Variants in PDZD2 observed in about 807,000 individuals in gnomAD.
PDZD2 encodes the protein PDZ domain-containing protein 2.
A neutral mutation model predicts 220.7 loss-of-function variants in PDZD2; 90 were observed. The ratio of observed to expected loss-of-function variants is 0.41; its 90% CI spans 0.34 to 0.49. The LOEUF (loss-of-function observed/expected upper bound fraction) is 0.49, where lower values mean the gene tolerates loss of function less well. Ranked by LOEUF, PDZD2 falls within the 20% of genes least tolerant of loss-of-function variation. The probability of loss-of-function intolerance (pLI) is 0.28; values close to 1 mark genes in which losing one functional copy is unlikely to be tolerated. For synonymous variants in PDZD2, 1,375 were observed against 1,450.5 expected, an observed-to-expected ratio of 0.95 and a Z score of 1.18; for missense variants, 3,174 against 3,608.5, an observed-to-expected ratio of 0.88 and a Z score of 3.08.
At chr5:32,023,783 G>T in intron 6 of PDZD2, among the ~76,000 whole-genome samples, 1 of 152,170 alleles carries the variant, frequency 6.6e-6, no homozygotes, top group East Asian at 1.9e-4. Flanking sequence ...TTCCTAGACC[G>T]TAGCCCCCCT....
intron 19 of PDZD2, among the ~76,000 whole-genome samples, chr5:32,079,003 A>G (rs1434055898): frequency 6.6e-6 from 1 of 152,004 alleles, no homozygotes; most frequent in Non-Finnish European, 1.5e-5. Flanking sequence ...TCATGCCTGT[A>G]ATCCCAGCAC....
intron 1 of PDZD2, among the ~76,000 whole-genome samples, chr5:31,713,483 T>C (rs1023881576): frequency 9.2e-5 from 14 of 152,228 alleles, no homozygotes; most frequent in Non-Finnish European, 1.5e-5. Flanking sequence ...GGTTTGGATA[T>C]TTGAGCCCTG....
intron 1 of PDZD2, among the ~76,000 whole-genome samples, chr5:31,715,286 G>C (rs929319151): frequency 6.6e-6 from 1 of 152,062 alleles, no homozygotes; most frequent in African/African-American, 2.4e-5. Flanking sequence ...AGATTAGATT[G>C]GTTCTTCCCT....
At position 32,074,067 on chromosome 5, in the gene PDZD2, G is replaced by T. The variant is rs79901850; in HGVS notation, c.2961G>T (p.Gly987=). 1 of 1,614,084 alleles carries T rather than the reference G, an allele frequency of 6.2e-7. No individual in the cohort carries two copies. Among genetic ancestry groups the T allele is most frequent in the Non-Finnish European group, 8.5e-7 (1 of 1,179,962 alleles). The part of the protein sequence containing the change: ...DREGDCISLP[G]ALPGPIRPLS... ...AAGGGGACTGCATTTCACTCCCAGG[G>T]GCCCTCCCGGGTCCCATCAGGCCTC... The change falls in exon 18 of 25, where the codon GGG becomes GGT. Residue 987 remains glycine (G), a synonymous_variant. Coordinates refer to ENST00000438447, the MANE Select transcript of PDZD2 (RefSeq NM_178140.4).
rs1205582836 is a variant in PDZD2, at chr5:31,849,871, CAT to C, written c.476+50163_476+50164del. On this transcript the variant is annotated intron_variant, in intron 2 of 24. Coordinates refer to ENST00000438447, the MANE Select transcript of PDZD2 (RefSeq NM_178140.4). ...TCTCTCTCTCTCTCATATATATATA[CAT>C]ATATATATATATATACACATATATA... is the stretch of plus-strand genomic sequence containing the variant. 1.0e-3 allele frequency among the ~76,000 whole-genome samples: 52 copies of C among 50,534 alleles called. 5 individuals are homozygous for C. Among genetic ancestry groups the C allele is most frequent in the Admixed American group, 2.1e-3 (9 of 4,268 alleles). 33.2% of individuals were successfully genotyped at this position (50,534 alleles called of 152,430 possible).
At position 32,061,088 on chromosome 5, in the gene PDZD2, C is replaced by T. The variant is rs1443035222; in HGVS notation, c.2405C>T (p.Pro802Leu). Reference protein sequence around the residue: ...SKVHAILSKCPPGPVRLVIGR... With the variant: ...SKVHAILSKCLPGPVRLVIGR... ...GTCCACGCCATCTTGAGTAAATGCC[C>T]TCCAGGACCCGTTCGCCTTGTCATC... Residue 802 changes from proline to leucine, a missense_variant, in exon 14 of 25, where the codon CCT becomes CTT. Pro to Leu is a moderately conservative substitution (Grantham distance 98, BLOSUM62 -3). Around this residue, in one of 4 missense-constraint regions of PDZD2, gnomAD observed 1,861 missense variants for 2,001.0 expected, o/e 0.93. Coordinates refer to ENST00000438447, the MANE Select transcript of PDZD2 (RefSeq NM_178140.4). 13 of 1,614,140 alleles carry T rather than the reference C, an allele frequency of 8.1e-6. No homozygotes were observed. Among genetic ancestry groups the T allele is most frequent in the Admixed American group, 1.7e-5 (1 of 60,010 alleles).
At chr5:31,993,570 T>C (rs1381852663) in intron 3 of PDZD2, among the ~76,000 whole-genome samples, 1 of 152,266 alleles carries the variant, frequency 6.6e-6, no homozygotes, top group African/African-American at 2.4e-5. Context: ...GCAAGCAGCT[T>C]GAACAGGCAG....
At chr5:32,003,192 CTA>C (rs1243051308) in intron 5 of PDZD2, among the ~76,000 whole-genome samples, 1 of 106,590 alleles carries the variant, frequency 9.4e-6, no homozygotes, top group Non-Finnish European at 1.9e-5. Flanking sequence ...CACACACACA[CTA>C]CACACACCAC....
chr5:31,760,775 A>C (rs1751587130), intron 1 of PDZD2, among the ~76,000 whole-genome samples: 1 of 152,100 alleles, frequency 6.6e-6, no homozygotes, highest in Admixed American at 6.6e-5. Flanking sequence ...ATACAAAATT[A>C]GCCAGATGCG....
Position 32,089,362 on chromosome 5 carries a change from C to G in PDZD2, c.5914C>G (p.Pro1972Ala). ...PPLATSGPLK[P>A]SVSDTSIRTF... ...TCTTGCCACCTCTGGGCCACTGAAA[C>G]CCTCAGTGTCTGACACGAGCATCAG... Residue 1972 changes from proline (P) to alanine (A), a missense_variant, in exon 20 of 25, where the codon CCC (proline) becomes GCC (alanine). Physicochemically the swap from Pro to Ala is conservative, Grantham distance 27 (BLOSUM62 -1). Transcript: ENST00000438447. 1.9e-6 allele frequency: 3 copies of G among 1,614,132 alleles called. No individual in the cohort carries two copies. Among genetic ancestry groups the G allele is most frequent in the Non-Finnish European group, 2.5e-6 (3 of 1,179,990 alleles).
intron 8 of PDZD2, among the ~76,000 whole-genome samples, chr5:32,050,421 T>C (rs972036848): frequency 3.9e-5 from 6 of 152,192 alleles, no homozygotes; most frequent in Non-Finnish European, 8.8e-5. Context: ...GGAGAGTTTT[T>C]CCCTCTCTTT....
chr5:31,745,749 T>C (rs1286236547), intron 1 of PDZD2, among the ~76,000 whole-genome samples: 1 of 152,100 alleles, frequency 6.6e-6, no homozygotes, highest in Admixed American at 6.6e-5. Flanking sequence ...CCTATCTTAG[T>C]GAATGTTCAG....
intron 2 of PDZD2, among the ~76,000 whole-genome samples, chr5:31,906,553 C>T (rs1742674068): frequency 6.6e-6 from 1 of 151,984 alleles, no homozygotes; most frequent in African/African-American, 2.4e-5. Flanking sequence ...TATTAAGAGA[C>T]TATTTATAGC....
Position 32,089,886 on chromosome 5 carries a change from A to G in PDZD2, c.6438A>G (p.Ser2146=), listed in dbSNP as rs773535198. Residue 2146 remains serine, a synonymous_variant, in exon 20 of 25, where the codon TCA becomes TCG. Transcript: ENST00000438447. ...VAESSTSHPS[S]LPSHASQAEQ... ...AATCATCCACAAGTCATCCATCCTC[A>G]CTCCCATCTCATGCCTCCCAGGCAG... The G allele has an allele frequency of 6.2e-7, 1 of 1,612,364 alleles. No individual in the cohort carries two copies. Among genetic ancestry groups the G allele is most frequent in the Non-Finnish European group, 8.5e-7 (1 of 1,179,168 alleles).
intron 14 of PDZD2, among the ~76,000 whole-genome samples, chr5:32,065,877 T>G (rs147433110): frequency 0.024 from 3,710 of 151,724 alleles, 181 homozygotes; most frequent in African/African-American, 0.086. Context: ...AATATAAAAA[T>G]TAGCTGGGCG....
Position 32,090,105 on chromosome 5 carries a change from G to T in PDZD2, c.6657G>T (p.Ala2219=). 3.1e-6 allele frequency: 5 copies of T among 1,613,792 alleles called. No individual in the cohort carries two copies. The highest frequency in any genetic ancestry group is 2.2e-5 in the East Asian group (1 of 44,868). The part of the protein sequence containing the change: ...EDHLYFTPRP[A]TRTYSMPAQF... The stretch of plus-strand genomic sequence containing the variant: ...ATCTCTACTTCACCCCAAGGCCAGC[G>T]ACCAGGACCTACTCCATGCCAGCCC... Residue 2219 remains alanine, a synonymous_variant, in exon 20 of 25, where the codon GCG becomes GCT. Coordinates refer to ENST00000438447, the MANE Select transcript of PDZD2 (RefSeq NM_178140.4). This position sits in a 1 kb window ranked among gnomAD's most constrained non-coding sequence, Gnocchi z 4.3.
intron 6 of PDZD2, among the ~76,000 whole-genome samples, chr5:32,020,055 A>G (rs1003821044): frequency 2.1e-5 from 3 of 144,906 alleles, no homozygotes; most frequent in Admixed American, 1.4e-4. Flanking sequence ...ACACATATAT[A>G]TATATTTTTT....
At chr5:31,786,367 A>AC (rs1398628057) in intron 1 of PDZD2, among the ~76,000 whole-genome samples, 5 of 151,214 alleles carry the variant, frequency 3.3e-5, no homozygotes, top group East Asian at 1.9e-4. Context: ...ATTGTACCCC[A>AC]CCCCCCAGGC....
At chr5:31,975,898 G>T (rs1318912796) in intron 2 of PDZD2, among the ~76,000 whole-genome samples, 2 of 146,646 alleles carry the variant, frequency 1.4e-5, no homozygotes, top group African/African-American at 2.5e-5. Context: ...CGACCTCCTA[G>T]GCTCAAGCGA....
Sources: gnomAD v4.1 joint callset for allele counts (sites outside exome capture counted in the v4.1 genomes callset) on GRCh38, gnomAD v4.1.1 for gene constraint, gnomAD v4.1.1 regional missense constraint, Gnocchi (gnomAD v3.1) non-coding constraint, MANE v1.5 for transcripts, NCBI Gene and HGNC (gene_info 2026-07-23, HGNC 2026-07-21) for gene names.